Variants in JPH1 observed in about 807,000 individuals in gnomAD.
JPH1 encodes junctophilin 1, also known as junctophilin-1.
A neutral mutation model predicts 53.6 loss-of-function variants in JPH1; 12 were observed. The ratio of observed to expected loss-of-function variants is 0.22; its 90% CI spans 0.14 to 0.36. The LOEUF (loss-of-function observed/expected upper bound fraction) is 0.36. Among genes scored for constraint, JPH1 ranks in the 10% least tolerant of loss-of-function variants. The probability of loss-of-function intolerance (pLI) is 1.00; values close to 1 mark genes in which losing one functional copy is unlikely to be tolerated. For missense variants in JPH1, 808 were observed against 905.5 expected (o/e 0.89, Z 1.38); for synonymous variants, 375 against 363.8 (o/e 1.03, Z -0.35).
At position 74,321,507 on chromosome 8, in the gene JPH1, C is replaced by T. The variant is rs1808327606; in HGVS notation, c.-220G>A. 2.2e-6 allele frequency: 1 copy of T among 459,766 alleles called. No individual in the cohort carries two copies. The highest frequency in any genetic ancestry group is 3.7e-6 in the Non-Finnish European group (1 of 270,584). The allele number at this position is 459,766 out of a possible 1,614,324, so 28.5% of individuals were successfully genotyped here. A position where few individuals can be genotyped will look rare whatever the true frequency, so the allele number is the denominator to read the frequency against. ...TCCTCCTCCTCCTCCTCCTCCTTCG[C>T]CGCCGCCGCCTGGGCCAGCGCCGCG... On this transcript the variant is annotated 5_prime_UTR_variant, in exon 1 of 6. Transcript: ENST00000342232. This position sits in a 1 kb window ranked among gnomAD's most constrained non-coding sequence, Gnocchi z 4.3.
At chr8:74,262,505 A>G (rs1325761471) in intron 2 of JPH1, among the ~76,000 whole-genome samples, 1 of 152,174 alleles carries the variant, frequency 6.6e-6, no homozygotes, top group East Asian at 1.9e-4. Flanking sequence ...CATACACCAA[A>G]GGGGAATACG....
Position 74,245,181 on chromosome 8 carries a change from CA to C in JPH1, c.1259-7del, listed in dbSNP as rs148651924. 2.3e-3 allele frequency: 2,779 copies of C among 1,219,378 alleles called. No individual in the cohort carries two copies. Among genetic ancestry groups the C allele is most frequent in the South Asian group, 7.9e-3 (394 of 50,036 alleles). The allele number at this position is 1,219,378 out of a possible 1,614,324, so 75.5% of individuals were successfully genotyped here. On this transcript the variant is annotated splice_polypyrimidine_tract_variant and splice_region_variant and intron_variant, in intron 3 of 5. Transcript: ENST00000342232. ...CTGTTTGACGTAATCAGGGCCTGGC[CA>C]AAAAAAAAAGAAAAAAGAAAAAAAG...
chr8:74,283,811 G>T (rs1182423330), intron 2 of JPH1, among the ~76,000 whole-genome samples: 2 of 152,144 alleles, frequency 1.3e-5, no homozygotes, highest in Non-Finnish European at 2.9e-5. Context: ...CATTAGAATT[G>T]AACTCTTGGA....
At chr8:74,259,342 AG>A in intron 3 of JPH1, 42 bp downstream of exon 3, 1 of 1,411,344 alleles carries the variant, frequency 7.1e-7, no homozygotes, top group South Asian at 1.2e-5. Context: ...AGCAAGCCAA[AG>A]CCAGTGCTCC....
chr8:74,283,388 T>C (rs1359631081), intron 2 of JPH1, among the ~76,000 whole-genome samples: 1 of 151,964 alleles, frequency 6.6e-6, no homozygotes, highest in East Asian at 1.9e-4. Context: ...ATAATAAACA[T>C]ATTACTGAGT....
At chr8:74,307,934 T>C (rs1161515205) in intron 2 of JPH1, among the ~76,000 whole-genome samples, 2 of 152,214 alleles carry the variant, frequency 1.3e-5, no homozygotes, top group Non-Finnish European at 2.9e-5. Flanking sequence ...TTTGGATCCA[T>C]AATGTGCATT....
intron 2 of JPH1, among the ~76,000 whole-genome samples, chr8:74,301,971 G>C (rs1399426338): frequency 6.6e-6 from 1 of 152,220 alleles, no homozygotes; most frequent in East Asian, 1.9e-4. Context: ...AAAACCCAGT[G>C]GAGGGGAAGG....
intron 2 of JPH1, 109 bp downstream of exon 2, chr8:74,314,752 T>C (rs2131465160): frequency 4.9e-6 from 6 of 1,236,604 alleles, no homozygotes; most frequent in Non-Finnish European, 6.9e-6. Flanking sequence ...GATTTTTTAG[T>C]AGTTGTAGAA....
chr8:74,238,864 C>G (rs890247836), intron 4 of JPH1, among the ~76,000 whole-genome samples: 1 of 152,138 alleles, frequency 6.6e-6, no homozygotes, highest in African/African-American at 2.4e-5. Flanking sequence ...CACTATGTTG[C>G]CCAGGCTGGT....
intron 2 of JPH1, among the ~76,000 whole-genome samples, chr8:74,271,243 C>T (rs1307131737): frequency 6.6e-6 from 1 of 152,012 alleles, no homozygotes; most frequent in Non-Finnish European, 1.5e-5. Flanking sequence ...GAAAGCTACC[C>T]ACCAACACCC....
At chr8:74,268,030 C>T (rs886591896) in intron 2 of JPH1, among the ~76,000 whole-genome samples, 7 of 152,098 alleles carry the variant, frequency 4.6e-5, no homozygotes, top group Non-Finnish European at 8.8e-5. Context: ...AGGTGCACAC[C>T]CCACTTTATC....
intron 4 of JPH1, among the ~76,000 whole-genome samples, chr8:74,243,937 C>G (rs1164170208): frequency 6.6e-6 from 1 of 152,106 alleles, no homozygotes; most frequent in East Asian, 1.9e-4. Context: ...GACAGAAGAC[C>G]AAAGAAATTC....
rs991838224 is a variant in JPH1, at chr8:74,235,762, T to C, written c.*1289A>G. 1.3e-5 allele frequency: 2 copies of C among 152,576 alleles called. No homozygotes were observed. The highest frequency in any genetic ancestry group is 4.8e-5 in the African/African-American group (2 of 41,440). 9.5% of individuals were successfully genotyped at this position (152,576 alleles called of 1,614,324 possible). On this transcript the variant is annotated 3_prime_UTR_variant, in exon 6 of 6. Transcript: ENST00000342232. ...CAAAAGACTGTAAAAGACACATATT[T>C]AAAATAAAAATGTCTAAGCCTTTAA...
Position 74,245,054 on chromosome 8 carries a change from C to T in JPH1, c.1380G>A (p.Thr460=), listed in dbSNP as rs267601990. The T allele has an allele frequency of 1.2e-5, 19 of 1,613,670 alleles. No individual in the cohort carries two copies. Among genetic ancestry groups the T allele is most frequent in the South Asian group, 5.5e-5 (5 of 91,038 alleles). ...TTGCCTCAGGAGATCTTGGGGGTGT[C>T]GTGCCTTTGCGATAAAAATGAGGAG... ...KESPHFYRKG[T]TPPRSPEASP... The change falls in exon 4 of 6, where the codon ACG becomes ACA. Residue 460 remains threonine (T), a synonymous_variant. Coordinates refer to ENST00000342232, the MANE Select transcript of JPH1 (RefSeq NM_020647.4).
intron 3 of JPH1, among the ~76,000 whole-genome samples, chr8:74,245,969 C>A (rs1440935537): frequency 6.7e-6 from 1 of 149,364 alleles, no homozygotes; most frequent in Non-Finnish European, 1.5e-5. Context: ...AGGGAGTGAG[C>A]TATAAAGAAA....
chr8:74,256,281 C>G (rs58226096), intron 3 of JPH1, among the ~76,000 whole-genome samples: 8 of 151,690 alleles, frequency 5.3e-5, no homozygotes, highest in Non-Finnish European at 7.4e-5. Flanking sequence ...TCTCAGCAAA[C>G]TATCACAAGG....
intron 2 of JPH1, among the ~76,000 whole-genome samples, chr8:74,270,498 G>A (rs1806667529): frequency 6.6e-6 from 1 of 152,158 alleles, no homozygotes; most frequent in Non-Finnish European, 1.5e-5. Context: ...AATGGAAGCA[G>A]AAACAAATAT....
At chr8:74,306,977 T>TAAATGCATATGCC (rs1554541769) in intron 2 of JPH1, among the ~76,000 whole-genome samples, 1 of 151,826 alleles carries the variant, frequency 6.6e-6, no homozygotes, top group Non-Finnish European at 1.5e-5. Context: ...CATAACTTGA[T>TAAATGCATATGCC]ATTTCCTTGC....
At position 74,236,219 on chromosome 8, in the gene JPH1, GATAA is replaced by G. The variant is rs1806991630; in HGVS notation, c.*828_*831del. On this transcript the variant is annotated 3_prime_UTR_variant, in exon 6 of 6. Coordinates refer to ENST00000342232, the MANE Select transcript of JPH1 (RefSeq NM_020647.4). ...TGTCTTCAAATTGCTAAATTTTAAA[GATAA>G]ATAACCTTTTACAAGTATAGGAAGA... 1 of 152,160 alleles carries G rather than the reference GATAA, an allele frequency of 6.6e-6. No individual in the cohort carries two copies. Among genetic ancestry groups the G allele is most frequent in the African/African-American group, 2.4e-5 (1 of 41,432 alleles). The allele number at this position is 152,160 out of a possible 1,614,324, so 9.4% of individuals were successfully genotyped here.
Sources: gnomAD v4.1 joint callset for allele counts (sites outside exome capture counted in the v4.1 genomes callset) on GRCh38, gnomAD v4.1.1 for gene constraint, Gnocchi (gnomAD v3.1) non-coding constraint, MANE v1.5 for transcripts, NCBI Gene and HGNC (gene_info 2026-07-23, HGNC 2026-07-21) for gene names.